ATP10B: variants seen among roughly 807,000 people sequenced by gnomAD.
The protein encoded by ATP10B is ATPase phospholipid transporting 10B (putative), also known as phospholipid-transporting ATPase VB.
ATP10B carries 122 observed loss-of-function variants against 141.2 expected under a neutral mutation model. The ratio of observed to expected loss-of-function variants is 0.86; its 90% CI spans 0.75 to 1.00. The LOEUF (loss-of-function observed/expected upper bound fraction) is 1.00. Among genes scored for constraint, ATP10B ranks in the 50% least tolerant of loss-of-function variants. The pLI, the probability that ATP10B is intolerant of heterozygous loss-of-function variation, is 0.00. For synonymous variants in ATP10B, 685 were observed against 692.0 expected (o/e 0.99, Z 0.16); for missense variants, 1,876 against 1,825.3 (o/e 1.03, Z -0.51).
At chr5:160,599,029 C>T (rs1756926786) in intron 21 of ATP10B, 59 bp from the exon 22 acceptor site, 3 of 1,544,056 alleles carry the variant, frequency 1.9e-6, no homozygotes, top group African/African-American at 1.4e-5. Flanking sequence ...GTCACCAGCT[C>T]CTGCTTGGGA....
At chr5:160,683,953 G>A (rs1479802744) in intron 6 of ATP10B, among the ~76,000 whole-genome samples, 1 of 152,182 alleles carries the variant, frequency 6.6e-6, no homozygotes, top group African/African-American at 2.4e-5. Context: ...AACCTTTGTA[G>A]AACAATGACA....
At chr5:160,664,078 A>G (rs943181909) in intron 7 of ATP10B, among the ~76,000 whole-genome samples, 1 of 152,220 alleles carries the variant, frequency 6.6e-6, no homozygotes, top group Non-Finnish European at 1.5e-5. Flanking sequence ...ATTTTAAAAG[A>G]ATCCTAGAAA....
Position 160,670,648 on chromosome 5 carries a change from G to T in ATP10B, c.490C>A (p.Gln164Lys), listed in dbSNP as rs1762630593. 5 of 1,613,462 alleles carry T rather than the reference G, an allele frequency of 3.1e-6. No homozygotes were observed. The South Asian group carries it at 5.5e-5, about 18-fold the overall frequency. Residue 164 changes from glutamine to lysine, a missense_variant, in exon 7 of 26, where the codon CAG becomes AAG. Physicochemically the swap from Gln to Lys is moderately conservative, Grantham distance 53. Transcript: ENST00000327245. ...ACGCGCACATCCTTCCAGCACTTCTGCACATAGGTCTGCTCTTTTCTTGGG... is the reference window on the plus strand; with the variant it reads ...ACGCGCACATCCTTCCAGCACTTCTTCACATAGGTCTGCTCTTTTCTTGGG... The part of the protein sequence containing the change: ...IYERKEQTYV[Q>K]KCWKDVRVGD...
chr5:160,706,085 G>T (rs936231883), intron 3 of ATP10B, among the ~76,000 whole-genome samples: 1 of 152,230 alleles, frequency 6.6e-6, no homozygotes, highest in African/African-American at 2.4e-5. Flanking sequence ...GATTAAGTTT[G>T]CCACCTTACA....
chr5:160,824,112 C>T (rs1774392706), intron 1 of ATP10B, among the ~76,000 whole-genome samples: 1 of 151,920 alleles, frequency 6.6e-6, no homozygotes, highest in Non-Finnish European at 1.5e-5. Flanking sequence ...AGCTCCGCCT[C>T]CTGGGTTCAC....
At chr5:160,793,404 T>G (rs1771727283) in intron 1 of ATP10B, among the ~76,000 whole-genome samples, 1 of 152,200 alleles carries the variant, frequency 6.6e-6, no homozygotes. Context: ...CGTTAGTATT[T>G]CCACTCTGTA....
At chr5:160,667,047 T>C (rs1762362766) in intron 7 of ATP10B, among the ~76,000 whole-genome samples, 1 of 151,968 alleles carries the variant, frequency 6.6e-6, no homozygotes, top group African/African-American at 2.4e-5. Context: ...TGAAACCTCG[T>C]CTCTACTAAA....
chr5:160,813,189 G>A (rs558973127), intron 1 of ATP10B, among the ~76,000 whole-genome samples: 27 of 152,328 alleles, frequency 1.8e-4, no homozygotes, highest in Admixed American at 4.6e-4. Context: ...GCGAGGCATC[G>A]CCTCACCCGG....
At chr5:160,822,993 T>TAC (rs1262226612) in intron 1 of ATP10B, among the ~76,000 whole-genome samples, 8 of 77,766 alleles carry the variant, frequency 1.0e-4, no homozygotes, top group African/African-American at 1.5e-4. Context: ...CATATACATA[T>TAC]ATATATACAT....
chr5:160,719,492 C>T (rs548794448), intron 2 of ATP10B, among the ~76,000 whole-genome samples: 2 of 152,356 alleles, frequency 1.3e-5, no homozygotes, highest in South Asian at 2.1e-4. Flanking sequence ...GTTTGTATGC[C>T]TTGCCTTGCC....
At chr5:160,815,773 C>T (rs1773568954) in intron 1 of ATP10B, among the ~76,000 whole-genome samples, 2 of 152,168 alleles carry the variant, frequency 1.3e-5, no homozygotes, top group Non-Finnish European at 1.5e-5. Context: ...TAAAGCAATC[C>T]TCAGCAAATG....
chr5:160,760,691 A>C (rs2127838980), intron 2 of ATP10B, among the ~76,000 whole-genome samples: 1 of 152,322 alleles, frequency 6.6e-6, no homozygotes, highest in Non-Finnish European at 1.5e-5. Context: ...ACACAGCTGG[A>C]GTGAGCCTGG....
At chr5:160,701,939 G>A (rs1307930129) in intron 3 of ATP10B, among the ~76,000 whole-genome samples, 1 of 145,180 alleles carries the variant, frequency 6.9e-6, no homozygotes. Flanking sequence ...CCCCTCTCCC[G>A]AGGGCCTCTT....
At chr5:160,906,429 T>C in the ATP10B span, among the ~76,000 whole-genome samples, 49,786 of 152,026 alleles carry the variant, frequency 0.33, 8,765 homozygotes, top group African/African-American at 0.42. Flanking sequence ...TTCACATTTT[T>C]CTATAATCCT....
intron 15 of ATP10B, 127 bp downstream of exon 15, chr5:160,620,220 G>C: frequency 8.2e-7 from 1 of 1,223,300 alleles, no homozygotes; most frequent in Non-Finnish European, 1.1e-6. Context: ...CATCTTGTAG[G>C]TCTGTATTCC....
chr5:160,580,905 G>A (rs1358075688), intron 24 of ATP10B, among the ~76,000 whole-genome samples: 1 of 152,122 alleles, frequency 6.6e-6, no homozygotes, highest in African/African-American at 2.4e-5. Context: ...ATGTGTCCAG[G>A]AATTTATCCA....
chr5:160,831,149 C>T (rs991085657), intron 1 of ATP10B, among the ~76,000 whole-genome samples: 10 of 151,300 alleles, frequency 6.6e-5, no homozygotes, highest in African/African-American at 2.2e-4. Flanking sequence ...GCCCAAAGTT[C>T]TTTATTCATT....
intron 8 of ATP10B, among the ~76,000 whole-genome samples, chr5:160,648,696 T>C (rs1430561550): frequency 1.3e-5 from 2 of 152,188 alleles, no homozygotes; most frequent in Admixed American, 6.6e-5. Context: ...ATAGATATTA[T>C]AATTTTATTT....
intron 25 of ATP10B, among the ~76,000 whole-genome samples, chr5:160,568,040 G>A (rs1754651581): frequency 6.6e-6 from 1 of 152,132 alleles, no homozygotes; most frequent in Non-Finnish European, 1.5e-5. Context: ...ATTCCCTGGG[G>A]CCTGCCTTTG....
Sources: gnomAD v4.1 joint callset for allele counts (sites outside exome capture counted in the v4.1 genomes callset) on GRCh38, gnomAD v4.1.1 for gene constraint, MANE v1.5 for transcripts, NCBI Gene and HGNC (gene_info 2026-07-23, HGNC 2026-07-21) for gene names.